SEMA3A: variants seen among roughly 807,000 people sequenced by gnomAD.
SEMA3A encodes the protein semaphorin-3A.
Under a neutral mutation model 97.9 loss-of-function variants are expected in SEMA3A, and 29 were observed. That is an observed-to-expected ratio of 0.30 (90% CI 0.22 to 0.40). The LOEUF (loss-of-function observed/expected upper bound fraction) is 0.40, where lower values mean the gene tolerates loss of function less well. Ranked by LOEUF, SEMA3A falls within the 10% of genes least tolerant of loss-of-function variation. The pLI is 1.00. For missense variants in SEMA3A, 763 were observed against 951.3 expected (o/e 0.80, Z 2.60); for synonymous variants, 321 against 323.7 (o/e 0.99, Z 0.09).
chr7:83,980,623 A>ACAAAAAAAAAAAAAAAAAATAT (rs1554383377), intron 14 of SEMA3A, among the ~76,000 whole-genome samples: 1 of 71,762 alleles, frequency 1.4e-5, no homozygotes, highest in African/African-American at 8.3e-5. Flanking sequence ...AAAAAAAAAA[A>ACAAAAAAAAAAAAAAAAAATAT]ATATATATAT....
At chr7:84,091,246 G>GGAAAGAAA (rs201601564) in intron 4 of SEMA3A, among the ~76,000 whole-genome samples, 16,941 of 73,616 alleles carry the variant, frequency 0.23, 2,756 homozygotes, top group East Asian at 0.38. Flanking sequence ...AAGGAAGGAA[G>GGAAAGAAA]GAAAGAACGA....
At chr7:84,391,933 C>T (rs1466694548) in intron 1 of SEMA3A, among the ~76,000 whole-genome samples, 2 of 148,798 alleles carry the variant, frequency 1.3e-5, no homozygotes, top group Non-Finnish European at 3.0e-5. Context: ...ATACTCCAGC[C>T]TGAGAAACAG....
intron 2 of SEMA3A, among the ~76,000 whole-genome samples, chr7:84,362,768 G>C (rs79396724): frequency 6.6e-6 from 1 of 151,914 alleles, no homozygotes; most frequent in African/African-American, 2.4e-5. Context: ...GTATGTAAGA[G>C]TATGGGAAGG....
intron 1 of SEMA3A, among the ~76,000 whole-genome samples, chr7:84,149,993 C>T (rs2116109941): frequency 6.6e-6 from 1 of 152,216 alleles, no homozygotes; most frequent in South Asian, 2.1e-4. Flanking sequence ...TTTCATTTTC[C>T]TGATATTTAT....
intron 2 of SEMA3A, among the ~76,000 whole-genome samples, chr7:84,323,123 A>T (rs2115917364): frequency 6.6e-6 from 1 of 152,352 alleles, no homozygotes; most frequent in South Asian, 2.1e-4. Flanking sequence ...ACTATGATTA[A>T]ATGCATAATA....
At chr7:84,246,495 A>G (rs1391432017) in intron 3 of SEMA3A, among the ~76,000 whole-genome samples, 1 of 152,190 alleles carries the variant, frequency 6.6e-6, no homozygotes, top group Non-Finnish European at 1.5e-5. Context: ...ACACCCCCAA[A>G]TTAAAATAAG....
At chr7:84,113,215 G>A (rs1412151182) in intron 3 of SEMA3A, among the ~76,000 whole-genome samples, 2 of 152,162 alleles carry the variant, frequency 1.3e-5, no homozygotes, top group Admixed American at 1.3e-4. Flanking sequence ...CAATGGAGGA[G>A]GAAAGTGCAT....
intron 1 of SEMA3A, among the ~76,000 whole-genome samples, chr7:84,147,520 G>T (rs935328853): frequency 1.3e-5 from 2 of 152,152 alleles, no homozygotes; most frequent in African/African-American, 4.8e-5. Context: ...TGAGAAGAAA[G>T]AGAGCTCAGG....
In SEMA3A at chr7:84,358,277, A is replaced by G. The variant is rs1050490957; in HGVS notation, c.-169+13547T>C. Among the ~76,000 whole-genome samples, 6 of 152,228 alleles carry G rather than the reference A, an allele frequency of 3.9e-5. No individual in the cohort carries two copies. The Middle Eastern group carries it at 0.01, about 259-fold the overall frequency. ...GGGTTTTTATGGTTTCAGGTCTAACATTTAAGTCTTTAATCCATCTTGAAT... is the reference window on the plus strand; with the variant it reads ...GGGTTTTTATGGTTTCAGGTCTAACGTTTAAGTCTTTAATCCATCTTGAAT... On this transcript the variant is annotated intron_variant, in intron 2 of 3. Coordinates refer to the SEMA3A transcript ENST00000424555.
intron 1 of SEMA3A, among the ~76,000 whole-genome samples, chr7:84,379,246 T>C (rs1000411464): frequency 1.3e-5 from 2 of 152,140 alleles, no homozygotes. Context: ...TTTTTAATTA[T>C]TTATTCTAAG....
chr7:84,161,216 T>C (rs537960335), intron 1 of SEMA3A, among the ~76,000 whole-genome samples: 1 of 151,810 alleles, frequency 6.6e-6, no homozygotes, highest in Non-Finnish European at 1.5e-5. Flanking sequence ...ATGCAAAAAT[T>C]AGCCAGGTGT....
chr7:83,986,255 A>C (rs888226182), intron 12 of SEMA3A, among the ~76,000 whole-genome samples: 2 of 152,138 alleles, frequency 1.3e-5, no homozygotes, highest in African/African-American at 4.8e-5. Context: ...AGGTGGGATG[A>C]GATTACTTCA....
chr7:84,132,091 G>C (rs1357816748), intron 2 of SEMA3A, among the ~76,000 whole-genome samples: 2 of 152,120 alleles, frequency 1.3e-5, no homozygotes, highest in African/African-American at 4.8e-5. Context: ...GGGATTACAG[G>C]TGTGAGCCAC....
chr7:83,962,568 A>G (rs930309324), intron 16 of SEMA3A, among the ~76,000 whole-genome samples: 6 of 152,190 alleles, frequency 3.9e-5, no homozygotes, highest in African/African-American at 1.2e-4. Context: ...TTATTAATCA[A>G]CTCAATAATC....
At chr7:84,110,670 C>A in intron 3 of SEMA3A, 81 bp from the exon 4 acceptor site, 1 of 1,439,472 alleles carries the variant, frequency 6.9e-7, no homozygotes, top group Non-Finnish European at 9.4e-7. Flanking sequence ...CATGCTGGAA[C>A]AGATTTGTCT....
rs577039601 is a variant in SEMA3A, at chr7:84,041,808, C to T, written c.667+4516G>A. ...AAAACAGGCTTATAGAGGGCTTTTT[C>T]CCCAAAGGTCAGCAAAATACTATAA... On this transcript the variant is annotated intron_variant, in intron 6 of 16. Coordinates refer to ENST00000265362, the MANE Select transcript of SEMA3A (RefSeq NM_006080.3). Among the ~76,000 whole-genome samples the T allele has an allele frequency of 6.6e-5, 10 of 152,116 alleles. No individual in the cohort carries two copies. The South Asian group carries it at 2.1e-3, about 32-fold the overall frequency.
chr7:84,472,285 C>T (rs1806175780), intron 1 of SEMA3A, among the ~76,000 whole-genome samples: 1 of 152,080 alleles, frequency 6.6e-6, no homozygotes, highest in Admixed American at 6.5e-5. Flanking sequence ...CGAACACATG[C>T]TTCAGAAATA....
rs1336454617 is a variant in SEMA3A, at chr7:84,121,923, G to A, written c.333+7200C>T. Among the ~76,000 whole-genome samples the A allele has an allele frequency of 3.9e-5, 2 of 51,012 alleles. 1 individual carries two copies. Among genetic ancestry groups the A allele is most frequent in the African/African-American group, 1.4e-4 (2 of 13,816 alleles). 33.5% of individuals were successfully genotyped at this position (51,012 alleles called of 152,430 possible). On this transcript the variant is annotated intron_variant, in intron 3 of 16. Transcript: ENST00000265362. The stretch of plus-strand genomic sequence containing the variant: ...CAAAGTGCTGGGATTACAGGCGTGA[G>A]CCACCGCGCCCGGCCGGTTCCAAGT...
In SEMA3A at chr7:84,020,115, G is replaced by A. The variant is rs180694427; in HGVS notation, c.668-5764C>T. On this transcript the variant is annotated intron_variant, in intron 6 of 16. Transcript: ENST00000265362. ...GGCTGGAGTGCACTGGCATGATCTCGGCCCACTGCAACCTCCACCACCCGG... is the reference window on the plus strand; with the variant it reads ...GGCTGGAGTGCACTGGCATGATCTCAGCCCACTGCAACCTCCACCACCCGG... 1.5e-3 allele frequency among the ~76,000 whole-genome samples: 187 copies of A among 123,512 alleles called. 3 individuals are homozygous for A. In the East Asian group the frequency reaches 0.039, roughly 26 times the overall value. 81.0% of individuals were successfully genotyped at this position (123,512 alleles called of 152,430 possible).
Sources: allele counts gnomAD v4.1 joint callset (sites outside exome capture counted in the v4.1 genomes callset), GRCh38; gene constraint gnomAD v4.1.1; transcripts MANE v1.5; gene names NCBI Gene and HGNC (gene_info 2026-07-23, HGNC 2026-07-21).